The following CNTNAP2 variants were observed in gnomAD, a reference collection of about 807,000 sequenced individuals.
CNTNAP2 encodes the protein contactin associated protein 2.
A neutral mutation model predicts 155.2 loss-of-function variants in CNTNAP2; 98 were observed. The ratio of observed to expected loss-of-function variants is 0.63; its 90% CI spans 0.54 to 0.75. The LOEUF (loss-of-function observed/expected upper bound fraction) is 0.75, where lower values mean the gene tolerates loss of function less well. Among genes scored for constraint, CNTNAP2 ranks in the 30% least tolerant of loss-of-function variants. CNTNAP2 has a pLI of 0.00. For missense variants in CNTNAP2, 1,727 were observed against 1,688.1 expected (o/e 1.02, Z -0.40); for synonymous variants, 651 against 631.2 (o/e 1.03, Z -0.47).
At chr7:146,994,546 C>G (rs1263911222) in intron 3 of CNTNAP2, among the ~76,000 whole-genome samples, 1 of 152,048 alleles carries the variant, frequency 6.6e-6, no homozygotes, top group African/African-American at 2.4e-5. Flanking sequence ...ATTATTTCTG[C>G]TAAATGAGTG....
Position 148,048,416 on chromosome 7 carries a change from C to G in CNTNAP2, c.2384-69702C>G, listed in dbSNP as rs184099352. Reference sequence around the variant, plus strand: ...ACCCCAATCACCACCTCCTTTCCCCCTCTCCCTTCCCTTTAATGAACCATC... The same window carrying G: ...ACCCCAATCACCACCTCCTTTCCCCGTCTCCCTTCCCTTTAATGAACCATC... On this transcript the variant is annotated intron_variant, in intron 15 of 23. Transcript: ENST00000361727. Among the ~76,000 whole-genome samples the G allele has an allele frequency of 2.6e-3, 402 of 152,288 alleles. 2 individuals are homozygous for G. The highest frequency in any genetic ancestry group is 4.3e-3 in the Non-Finnish European group (293 of 68,014).
At chr7:146,389,574 CTTGT>C (rs891994070) in intron 1 of CNTNAP2, among the ~76,000 whole-genome samples, 1 of 150,416 alleles carries the variant, frequency 6.6e-6, no homozygotes, top group Non-Finnish European at 1.5e-5. Context: ...AGAGCTTTTT[CTTGT>C]TTGTTTTCTT....
intron 9 of CNTNAP2, among the ~76,000 whole-genome samples, chr7:147,344,487 T>G (rs17497254): frequency 0.23 from 34,729 of 152,088 alleles, 4,361 homozygotes; most frequent in Non-Finnish European, 0.28. Flanking sequence ...TTCTCTGGGC[T>G]ATTGTTATTG....
intron 1 of CNTNAP2, among the ~76,000 whole-genome samples, chr7:146,260,906 G>T (rs1799909680): frequency 6.6e-6 from 1 of 152,140 alleles, no homozygotes; most frequent in African/African-American, 2.4e-5. Context: ...GAATAATATG[G>T]TTGGGCTCTG....
intron 21 of CNTNAP2, among the ~76,000 whole-genome samples, chr7:148,313,879 T>C (rs1305868064): frequency 6.6e-6 from 1 of 152,070 alleles, no homozygotes; most frequent in Non-Finnish European, 1.5e-5. Flanking sequence ...TGGACTGGGT[T>C]TTTATATTTG....
intron 11 of CNTNAP2, among the ~76,000 whole-genome samples, chr7:147,544,165 G>A (rs946794635): frequency 7.7e-4 from 117 of 152,250 alleles, no homozygotes; most frequent in African/African-American, 2.7e-3. Flanking sequence ...AAACTTTTGT[G>A]TGTAAATGTA....
At chr7:148,109,276 C>T (rs934091981) in intron 15 of CNTNAP2, among the ~76,000 whole-genome samples, 8 of 152,266 alleles carry the variant, frequency 5.3e-5, no homozygotes, top group Non-Finnish European at 1.2e-4. Flanking sequence ...TTATTCTGTT[C>T]CTGGACCAAA....
chr7:147,511,258 G>A (rs916509803), intron 11 of CNTNAP2, among the ~76,000 whole-genome samples: 8 of 151,764 alleles, frequency 5.3e-5, no homozygotes, highest in African/African-American at 1.5e-4. Flanking sequence ...CGTGAATACC[G>A]ACCTTTCACA....
chr7:148,032,309 GC>G (rs1802492414), intron 15 of CNTNAP2, among the ~76,000 whole-genome samples: 2 of 152,082 alleles, frequency 1.3e-5, no homozygotes, highest in African/African-American at 2.4e-5. Context: ...AAATAATAGC[GC>G]CAGCAGGTAC....
At chr7:146,271,793 G>A (rs1319616588) in intron 1 of CNTNAP2, among the ~76,000 whole-genome samples, 1 of 151,928 alleles carries the variant, frequency 6.6e-6, no homozygotes, top group Non-Finnish European at 1.5e-5. Context: ...TAAAAACCAT[G>A]TTTATTCAGA....
At chr7:147,334,804 G>A (rs758138414) in intron 9 of CNTNAP2, among the ~76,000 whole-genome samples, 1 of 152,110 alleles carries the variant, frequency 6.6e-6, no homozygotes, top group African/African-American at 2.4e-5. Flanking sequence ...ACGAGGGAAG[G>A]GCTAGTTTTT....
intron 13 of CNTNAP2, among the ~76,000 whole-genome samples, chr7:147,767,481 A>G (rs1797400182): frequency 6.6e-6 from 1 of 152,196 alleles, no homozygotes; most frequent in East Asian, 1.9e-4. Context: ...TCTCTTGTCC[A>G]TTATCTTCAG....
intron 12 of CNTNAP2, among the ~76,000 whole-genome samples, chr7:147,572,585 TC>T (rs5888271): frequency 0.45 from 68,054 of 151,794 alleles, 15,438 homozygotes; most frequent in East Asian, 0.61. Flanking sequence ...CTGCTCAAAA[TC>T]CGAGAAAGAC....
intron 1 of CNTNAP2, among the ~76,000 whole-genome samples, chr7:146,145,301 T>C (rs1251620495): frequency 6.6e-6 from 1 of 152,164 alleles, no homozygotes; most frequent in African/African-American, 2.4e-5. Context: ...GTGACTTCTC[T>C]TTAAACAGCT....
chr7:146,995,623 T>A (rs978527865), intron 3 of CNTNAP2, among the ~76,000 whole-genome samples: 2 of 152,106 alleles, frequency 1.3e-5, no homozygotes, highest in Non-Finnish European at 2.9e-5. Flanking sequence ...TTAGTCCTCT[T>A]TTGGGAAATG....
intron 1 of CNTNAP2, among the ~76,000 whole-genome samples, chr7:146,143,865 C>A (rs150703695): frequency 6.6e-6 from 1 of 152,052 alleles, no homozygotes; most frequent in East Asian, 1.9e-4. Context: ...TGGGTTCAAG[C>A]GATTTTCCTG....
chr7:147,049,478 C>T (rs1296265613), intron 4 of CNTNAP2, among the ~76,000 whole-genome samples: 1 of 152,064 alleles, frequency 6.6e-6, no homozygotes, highest in African/African-American at 2.4e-5. Context: ...GCTTAGTGAA[C>T]TGTTGTCTCA....
At chr7:148,364,213 G>A (rs1798685846) in intron 21 of CNTNAP2, among the ~76,000 whole-genome samples, 1 of 152,222 alleles carries the variant, frequency 6.6e-6, no homozygotes, top group African/African-American at 2.4e-5. Flanking sequence ...TGCAGGACTG[G>A]CGGGCAGCTC....
chr7:146,175,996 T>C (rs955899667), intron 1 of CNTNAP2, among the ~76,000 whole-genome samples: 1 of 152,242 alleles, frequency 6.6e-6, no homozygotes, highest in Non-Finnish European at 1.5e-5. Context: ...CACGTTATTC[T>C]AGTGTGTCTC....
Sources: allele counts gnomAD v4.1 joint callset (sites outside exome capture counted in the v4.1 genomes callset), GRCh38; gene constraint gnomAD v4.1.1; transcripts MANE v1.5; gene names NCBI Gene and HGNC (gene_info 2026-07-23, HGNC 2026-07-21).